The following SLC24A2 variants were observed in gnomAD, a reference collection of about 807,000 sequenced individuals.
The protein encoded by SLC24A2 is solute carrier family 24 member 2.
SLC24A2 carries 36 observed loss-of-function variants against 62.0 expected under a neutral mutation model. The ratio of observed to expected loss-of-function variants is 0.58; its 90% CI spans 0.44 to 0.77. The LOEUF (loss-of-function observed/expected upper bound fraction) is 0.77, where lower values mean the gene tolerates loss of function less well. Among genes scored for constraint, SLC24A2 ranks in the 30% least tolerant of loss-of-function variants. SLC24A2 has a pLI of 0.00. For synonymous variants in SLC24A2, 358 were observed against 294.0 expected (o/e 1.22, Z -2.23); for missense variants, 846 against 817.9 (o/e 1.03, Z -0.42).
At chr9:19,885,218 G>T in the SLC24A2 span, among the ~76,000 whole-genome samples, 1 of 152,150 alleles carries the variant, frequency 6.6e-6, no homozygotes, top group Non-Finnish European at 1.5e-5. Flanking sequence ...TGCCCTTCCT[G>T]ACCCATCACT....
At chr9:20,165,452 A>G in the SLC24A2 span, among the ~76,000 whole-genome samples, 1 of 151,948 alleles carries the variant, frequency 6.6e-6, no homozygotes, top group Non-Finnish European at 1.5e-5. Flanking sequence ...GTAATGGCAC[A>G]TGACTAGAAA....
At chr9:20,258,979 T>C in the SLC24A2 span, among the ~76,000 whole-genome samples, 1 of 152,222 alleles carries the variant, frequency 6.6e-6, no homozygotes, top group East Asian at 1.9e-4. Flanking sequence ...TATGCTGGAT[T>C]ATCTGGGTGG....
chr9:19,934,097 C>A, the SLC24A2 span, among the ~76,000 whole-genome samples: 292 of 152,296 alleles, frequency 1.9e-3, no homozygotes, highest in African/African-American at 6.6e-3. The surrounding 1 kb of genome is among the most constrained non-coding windows in gnomAD (Gnocchi z 4.1). Flanking sequence ...GAATAGTACA[C>A]TTTAAAAGGG....
chr9:20,255,812 G>T, the SLC24A2 span, among the ~76,000 whole-genome samples: 1,231 of 152,288 alleles, frequency 8.1e-3, 12 homozygotes, highest in African/African-American at 0.027. Flanking sequence ...AGAATTCATG[G>T]TCATACTTAA....
chr9:20,255,819 T>C, the SLC24A2 span, among the ~76,000 whole-genome samples: 1 of 152,234 alleles, frequency 6.6e-6, no homozygotes, highest in African/African-American at 2.4e-5. Context: ...ATGGTCATAC[T>C]TAATCTGCCA....
the SLC24A2 span, among the ~76,000 whole-genome samples, chr9:20,100,475 G>C: frequency 6.6e-6 from 1 of 152,076 alleles, no homozygotes; most frequent in African/African-American, 2.4e-5. Context: ...CTGAACCCAG[G>C]TGCATTTCTC....
the SLC24A2 span, chr9:19,926,944 G>A: frequency 3.6e-3 from 546 of 152,760 alleles, 2 homozygotes; most frequent in Non-Finnish European, 6.0e-3. Context: ...GGGTGGTAGA[G>A]GAACGGGGTT....
intron 2 of SLC24A2, among the ~76,000 whole-genome samples, chr9:19,737,486 C>G (rs1007217650): frequency 2.6e-5 from 4 of 152,178 alleles, no homozygotes; most frequent in Admixed American, 2.0e-4. Flanking sequence ...CAAAGTATTT[C>G]CCATGCCTTT....
chr9:20,166,131 T>C, the SLC24A2 span, among the ~76,000 whole-genome samples: 1 of 151,944 alleles, frequency 6.6e-6, no homozygotes, highest in Non-Finnish European at 1.5e-5. Context: ...GACTATAATC[T>C]GTTGGCAAAG....
chr9:19,761,854 G>T (rs1370534481), intron 2 of SLC24A2, among the ~76,000 whole-genome samples: 1 of 152,102 alleles, frequency 6.6e-6, no homozygotes, highest in East Asian at 1.9e-4. Context: ...GTGTATATGT[G>T]CCACATTTTC....
the SLC24A2 span, chr9:19,928,851 T>A: frequency 2.0e-5 from 3 of 152,186 alleles, no homozygotes; most frequent in Non-Finnish European, 4.4e-5. Context: ...TAAAATAAAA[T>A]TCTTTAACAC....
the SLC24A2 span, among the ~76,000 whole-genome samples, chr9:20,101,277 C>T: frequency 6.6e-6 from 1 of 152,300 alleles, no homozygotes; most frequent in African/African-American, 2.4e-5. Flanking sequence ...ATAGAAGTGC[C>T]CCTGCATCAA....
chr9:20,092,312 G>A, the SLC24A2 span, among the ~76,000 whole-genome samples: 39 of 152,270 alleles, frequency 2.6e-4, no homozygotes, highest in African/African-American at 8.9e-4. Flanking sequence ...TTGTATGCTA[G>A]CTTTTATTTT....
At chr9:20,226,215 C>G in the SLC24A2 span, among the ~76,000 whole-genome samples, 1 of 152,132 alleles carries the variant, frequency 6.6e-6, no homozygotes, top group African/African-American at 2.4e-5. Flanking sequence ...TGCAGCTCCA[C>G]ACACCATAGT....
At chr9:19,647,062 ACGCGCG>A (rs1289043231) in intron 2 of SLC24A2, among the ~76,000 whole-genome samples, 993 of 31,646 alleles carry the variant, frequency 0.031, 21 homozygotes, top group African/African-American at 0.09. Flanking sequence ...ACACACACAC[ACGCGCG>A]CACACACACA....
the SLC24A2 span, among the ~76,000 whole-genome samples, chr9:19,970,134 C>G: frequency 6.6e-6 from 1 of 152,286 alleles, no homozygotes; most frequent in Non-Finnish European, 1.5e-5. Context: ...GCCCCCATCA[C>G]CCCTCCACGC....
At chr9:19,707,723 C>A (rs904452654) in intron 2 of SLC24A2, among the ~76,000 whole-genome samples, 4 of 152,164 alleles carry the variant, frequency 2.6e-5, no homozygotes, top group Admixed American at 6.5e-5. Context: ...GCTTAAAACT[C>A]TCAATAAATT....
the SLC24A2 span, among the ~76,000 whole-genome samples, chr9:19,892,010 C>T: frequency 6.6e-6 from 1 of 152,188 alleles, no homozygotes; most frequent in African/African-American, 2.4e-5. Context: ...ATCTTCAACT[C>T]AGCTCACCTC....
At chr9:20,022,670 A>G in the SLC24A2 span, among the ~76,000 whole-genome samples, 1 of 152,178 alleles carries the variant, frequency 6.6e-6, no homozygotes, top group African/African-American at 2.4e-5. Flanking sequence ...CACCAATTCC[A>G]TTCTGGGTCC....
Sources: allele counts gnomAD v4.1 joint callset (sites outside exome capture counted in the v4.1 genomes callset), GRCh38; gene constraint gnomAD v4.1.1; non-coding constraint Gnocchi (gnomAD v3.1); transcripts MANE v1.5; gene names NCBI Gene and HGNC (gene_info 2026-07-23, HGNC 2026-07-21).